The following AP2B1 variants were observed in gnomAD, a reference collection of about 807,000 sequenced individuals.
The protein encoded by AP2B1 is AP-2 complex subunit beta.
AP2B1 carries 23 observed loss-of-function variants against 102.0 expected under a neutral mutation model. That is an observed-to-expected ratio of 0.23 (90% CI 0.16 to 0.32). AP2B1 has a LOEUF of 0.32. Ranked by LOEUF, AP2B1 falls within the 10% of genes least tolerant of loss-of-function variation. The probability of loss-of-function intolerance (pLI) is 1.00; values close to 1 mark genes in which losing one functional copy is unlikely to be tolerated. For synonymous variants in AP2B1, 381 were observed against 421.2 expected, an observed-to-expected ratio of 0.90 and a Z score of 1.17; for missense variants, 541 against 1,157.4, an observed-to-expected ratio of 0.47 and a Z score of 7.73.
chr17:35,711,371 T>C (rs1477511249), intron 20 of AP2B1, among the ~76,000 whole-genome samples: 1 of 144,400 alleles, frequency 6.9e-6, no homozygotes, highest in African/African-American at 2.6e-5. Flanking sequence ...AGCTGGAGCA[T>C]AGCACTGGGG....
At chr17:35,687,735 G>A (rs1266790722) in intron 18 of AP2B1, among the ~76,000 whole-genome samples, 1 of 151,936 alleles carries the variant, frequency 6.6e-6, no homozygotes, top group African/African-American at 2.4e-5. Context: ...TTTTTATGTA[G>A]AGATGGGGTC....
chr17:35,607,888 G>T (rs1181264546), intron 4 of AP2B1: 15 of 453,630 alleles, frequency 3.3e-5, no homozygotes, highest in South Asian at 2.9e-4. Flanking sequence ...CCTCTGCCTG[G>T]CACTAGAGTG....
At chr17:35,616,419 C>T (rs1017887677) in intron 5 of AP2B1, among the ~76,000 whole-genome samples, 3 of 152,016 alleles carry the variant, frequency 2.0e-5, no homozygotes, top group Non-Finnish European at 4.4e-5. Context: ...CCGCCCGCCT[C>T]GGCCTCCCAA....
rs755093328 is a variant in AP2B1 at position 35,624,309 on chromosome 17, G to A, written c.526-88G>A. On this transcript the variant is annotated intron_variant, in intron 5 of 21. Transcript: ENST00000610402. ...CAGGAATGGTTATGAATTGAGATCCGTGAAATGACCCAGAGAAGGCTGATG... is the reference window on the plus strand; with the variant it reads ...CAGGAATGGTTATGAATTGAGATCCATGAAATGACCCAGAGAAGGCTGATG... 6.8e-4 allele frequency: 838 copies of A among 1,231,138 alleles called. 1 individual carries two copies. Among genetic ancestry groups the A allele is most frequent in the Non-Finnish European group, 7.6e-4 (654 of 862,028 alleles). The allele number at this position is 1,231,138 out of a possible 1,614,324, so 76.3% of individuals were successfully genotyped here.
At chr17:35,703,590 A>T (rs934615438) in intron 18 of AP2B1, among the ~76,000 whole-genome samples, 4 of 152,190 alleles carry the variant, frequency 2.6e-5, no homozygotes, top group African/African-American at 9.7e-5. Context: ...CATAAAACCA[A>T]ATACCACATG....
chr17:35,631,674 A>C (rs973137301), intron 9 of AP2B1, among the ~76,000 whole-genome samples: 2 of 152,102 alleles, frequency 1.3e-5, no homozygotes, highest in African/African-American at 4.8e-5. Flanking sequence ...TTGATAACTT[A>C]CTGAATTTGT....
In AP2B1 at chr17:35,650,692, A is replaced by G. The variant is rs763799850; in HGVS notation, c.1699A>G (p.Ile567Val). 13 of 1,614,142 alleles carry G rather than the reference A, an allele frequency of 8.1e-6. No individual in the cohort carries two copies. Among genetic ancestry groups the G allele is most frequent in the Non-Finnish European group, 8.5e-6 (10 of 1,180,032 alleles). The change falls in exon 13 of 22, where the codon ATT becomes GTT. Residue 567 changes from isoleucine (I) to valine (V), a missense_variant. Transcript: ENST00000610402. ...TCTGCTGGATGAGCTAATCTGCCAC[A>G]TTGGTTCTTTGGCCTCTGTGTATCA... ...PTLLDELICHIGSLASVYHKP... is the reference protein window; with the variant it reads ...PTLLDELICHVGSLASVYHKP...
At chr17:35,705,506 G>A (rs926775337) in intron 18 of AP2B1, among the ~76,000 whole-genome samples, 4 of 152,028 alleles carry the variant, frequency 2.6e-5, no homozygotes, top group African/African-American at 7.2e-5. Context: ...AACAGGAGAT[G>A]GTGAAAGCAG....
At chr17:35,639,294 A>G (rs1040203617) in intron 10 of AP2B1, among the ~76,000 whole-genome samples, 1 of 152,128 alleles carries the variant, frequency 6.6e-6, no homozygotes, top group Non-Finnish European at 1.5e-5. Flanking sequence ...GATCATGCCA[A>G]TGCACTCTAG....
chr17:35,626,106 CATT>C (rs59934888), intron 6 of AP2B1, among the ~76,000 whole-genome samples: 1,529 of 152,214 alleles, frequency 0.01, 19 homozygotes, highest in African/African-American at 0.035. Flanking sequence ...CCCTTATTCT[CATT>C]ATCCTTAAGA....
At chr17:35,646,586 ATT>A (rs34634602) in intron 12 of AP2B1, among the ~76,000 whole-genome samples, 10 of 135,610 alleles carry the variant, frequency 7.4e-5, no homozygotes, top group Non-Finnish European at 3.1e-5. Context: ...TATATATATA[ATT>A]TTTTTTTTTT....
At chr17:35,671,721 A>G (rs1258944115) in intron 15 of AP2B1, 33 bp from the exon 16 acceptor site, 2 of 1,604,496 alleles carry the variant, frequency 1.2e-6, no homozygotes, top group South Asian at 2.2e-5. Context: ...GTTCTTCCCA[A>G]TCTCCCCTCT....
intron 17 of AP2B1, among the ~76,000 whole-genome samples, chr17:35,680,783 G>T (rs4795085): frequency 6.9e-6 from 1 of 145,972 alleles, no homozygotes. Context: ...TGCAACTTCC[G>T]CCTCCCGGGT....
intron 17 of AP2B1, among the ~76,000 whole-genome samples, chr17:35,679,881 T>C (rs2075780100): frequency 1.3e-5 from 2 of 151,884 alleles, no homozygotes; most frequent in African/African-American, 4.8e-5. Context: ...AAAAGGAAAA[T>C]ATTTCTTTAG....
chr17:35,608,367 A>T lies in AP2B1; in HGVS notation c.505A>T (p.Ile169Leu). The change falls in exon 5 of 22, where the codon ATA becomes TTA. Residue 169 changes from isoleucine (I) to leucine (L), a missense_variant. Around this residue, in one of 10 missense-constraint regions of AP2B1, gnomAD observed 134 missense variants for 250.2 expected, o/e 0.54. Coordinates refer to ENST00000610402, the MANE Select transcript of AP2B1 (RefSeq NM_001030006.2). Reference protein sequence around the residue: ...QGFLDSLRDLIADSNPMVVAN... With the variant: ...QGFLDSLRDLLADSNPMVVAN... ...ATTTCTGGATTCTCTACGGGATCTC[A>T]TAGCAGATTCAAATCCAATGGTAAT... 3 of 1,614,188 alleles carry T rather than the reference A, an allele frequency of 1.9e-6. No individual in the cohort carries two copies. Among genetic ancestry groups the T allele is most frequent in the Non-Finnish European group, 2.5e-6 (3 of 1,180,002 alleles).
intron 3 of AP2B1, among the ~76,000 whole-genome samples, chr17:35,601,514 C>T (rs1567780868): frequency 6.6e-6 from 1 of 152,162 alleles, no homozygotes. Context: ...AGTGATCCGC[C>T]TGCCTTGGCC....
At chr17:35,699,600 T>C (rs1034865143) in intron 18 of AP2B1, among the ~76,000 whole-genome samples, 1 of 152,208 alleles carries the variant, frequency 6.6e-6, no homozygotes, top group Admixed American at 6.5e-5. Flanking sequence ...TAAAATGGAA[T>C]TAGCACTGGA....
At chr17:35,621,335 C>G (rs528564018) in intron 5 of AP2B1, 1 of 985,206 alleles carries the variant, frequency 1.0e-6, no homozygotes, top group Non-Finnish European at 1.2e-6. Flanking sequence ...ACTCGGCTTA[C>G]GGACCAGGAA....
At chr17:35,663,365 C>G (rs965380073) in intron 14 of AP2B1, among the ~76,000 whole-genome samples, 4 of 152,334 alleles carry the variant, frequency 2.6e-5, no homozygotes, top group African/African-American at 7.2e-5. Flanking sequence ...ATCCTCAGAA[C>G]AACTCAAGAA....
Sources: allele counts gnomAD v4.1 joint callset (sites outside exome capture counted in the v4.1 genomes callset), GRCh38; gene constraint gnomAD v4.1.1; regional missense constraint gnomAD v4.1.1; transcripts MANE v1.5; gene names NCBI Gene and HGNC (gene_info 2026-07-23, HGNC 2026-07-21).